The following ASIC2 variants were observed in gnomAD, a reference collection of about 807,000 sequenced individuals.
ASIC2 encodes acid-sensing ion channel 2.
Under a neutral mutation model 57.3 loss-of-function variants are expected in ASIC2, and 25 were observed. The ratio of observed to expected loss-of-function variants is 0.44; its 90% CI spans 0.32 to 0.61. The LOEUF (loss-of-function observed/expected upper bound fraction) is 0.61. Ranked by LOEUF, ASIC2 falls within the 20% of genes least tolerant of loss-of-function variation. The pLI is 0.06. For synonymous variants in ASIC2, 319 were observed against 307.5 expected, an observed-to-expected ratio of 1.04 and a Z score of -0.39; for missense variants, 641 against 738.1, an observed-to-expected ratio of 0.87 and a Z score of 1.52.
chr17:33,264,215 C>T (rs762651412), intron 1 of ASIC2, among the ~76,000 whole-genome samples: 7 of 152,236 alleles, frequency 4.6e-5, no homozygotes, highest in Admixed American at 2.0e-4. Context: ...TGTAGAGAAG[C>T]GCCCAGGATG....
At chr17:33,491,429 C>T (rs942409559) in intron 1 of ASIC2, among the ~76,000 whole-genome samples, 2 of 152,142 alleles carry the variant, frequency 1.3e-5, no homozygotes, top group Admixed American at 6.5e-5. Context: ...TCTGGCTCCT[C>T]GAAAACTTTC....
chr17:33,599,757 G>C (rs1404440307), intron 1 of ASIC2, among the ~76,000 whole-genome samples: 1 of 152,142 alleles, frequency 6.6e-6, no homozygotes, highest in Non-Finnish European at 1.5e-5. Flanking sequence ...CAAGGAACAG[G>C]CCTTCCCTGT....
chr17:34,098,715 G>C (rs1910633953), intron 1 of ASIC2, among the ~76,000 whole-genome samples: 1 of 151,802 alleles, frequency 6.6e-6, no homozygotes, highest in South Asian at 2.1e-4. Context: ...CATCATTAGG[G>C]TGAGACTGTA....
At chr17:33,035,762 C>T (rs190837238) in intron 3 of ASIC2, among the ~76,000 whole-genome samples, 25 of 152,290 alleles carry the variant, frequency 1.6e-4, no homozygotes, top group African/African-American at 5.8e-4. Context: ...TTGTCATCCC[C>T]CTGGGCTTTT....
At chr17:33,701,040 G>T (rs1366417235) in intron 1 of ASIC2, among the ~76,000 whole-genome samples, 4 of 152,188 alleles carry the variant, frequency 2.6e-5, no homozygotes, top group Non-Finnish European at 5.9e-5. Flanking sequence ...AAGGCATAAA[G>T]TCACTGAGGT....
At chr17:34,155,766 T>G in intron 1 of ASIC2, 35 of 549,370 alleles carry the variant, frequency 6.4e-5, no homozygotes, top group East Asian at 1.9e-4. Flanking sequence ...TCACCCTCCA[T>G]ATTTGATCTG....
chr17:33,447,181 G>T (rs1223045966), intron 1 of ASIC2, among the ~76,000 whole-genome samples: 2 of 152,200 alleles, frequency 1.3e-5, no homozygotes, highest in East Asian at 3.9e-4. Context: ...GGGAAATGTT[G>T]ATTACATGTA....
intron 3 of ASIC2, among the ~76,000 whole-genome samples, chr17:33,039,765 C>G (rs1204913013): frequency 6.6e-6 from 1 of 152,146 alleles, no homozygotes; most frequent in Non-Finnish European, 1.5e-5. Context: ...CAGAGCAAAG[C>G]AAAACCTTCC....
Position 33,164,574 on chromosome 17 carries a change from A to ACG in ASIC2, c.709-52509_709-52508dup, listed in dbSNP as rs199521350. Among the ~76,000 whole-genome samples, 215 of 79,070 alleles carry ACG rather than the reference A, an allele frequency of 2.7e-3. No individual in the cohort carries two copies. In the Middle Eastern group the frequency reaches 0.033, roughly 12 times the overall value. 51.9% of individuals were successfully genotyped at this position (79,070 alleles called of 152,430 possible). A position where few individuals can be genotyped will look rare whatever the true frequency, so the allele number is the denominator to read the frequency against. ...AAACAGCTGTCCCAAAAGCACATGC[A>ACG]CGCACACACACACACACACACACAC... On this transcript the variant is annotated intron_variant, in intron 1 of 9. Transcript: ENST00000225823.
chr17:33,856,923 G>A (rs1303542841), intron 1 of ASIC2, among the ~76,000 whole-genome samples: 1 of 152,108 alleles, frequency 6.6e-6, no homozygotes, highest in Non-Finnish European at 1.5e-5. Context: ...CTACTGAGGA[G>A]TGTGGGCTTG....
intron 1 of ASIC2, among the ~76,000 whole-genome samples, chr17:33,886,090 C>T (rs1417509370): frequency 1.3e-5 from 2 of 152,130 alleles, no homozygotes; most frequent in African/African-American, 2.4e-5. Flanking sequence ...CAAACAATCC[C>T]AAAATTTTAG....
chr17:33,072,620 A>G (rs989201669), intron 3 of ASIC2, among the ~76,000 whole-genome samples: 3 of 152,216 alleles, frequency 2.0e-5, no homozygotes, highest in Non-Finnish European at 4.4e-5. Flanking sequence ...CTCAACAGCC[A>G]GGTGACGTAC....
chr17:33,979,581 AAG>A lies in ASIC2; in HGVS notation c.555+176395_555+176396del, dbSNP rs142671569. ...TACCAAGATGGGTTATATTTGGGGT[AAG>A]AGGGGACAGAAAGGCCTCATGTGTC... On this transcript the variant is annotated intron_variant, in intron 1 of 9. Coordinates refer to the ASIC2 transcript ENST00000359872. Among the ~76,000 whole-genome samples the A allele has an allele frequency of 4.9e-3, 744 of 152,318 alleles. 6 individuals carry two copies. Among genetic ancestry groups the A allele is most frequent in the African/African-American group, 0.016 (675 of 41,562 alleles).
At chr17:33,610,812 T>C (rs1567668694) in intron 1 of ASIC2, among the ~76,000 whole-genome samples, 1 of 152,190 alleles carries the variant, frequency 6.6e-6, no homozygotes, top group Non-Finnish European at 1.5e-5. Flanking sequence ...AGAGAATTGC[T>C]TAAGCCCAGG....
intron 1 of ASIC2, chr17:34,038,945 T>C (rs1907993886): frequency 6.2e-7 from 1 of 1,613,012 alleles, no homozygotes. Context: ...TGTCCACTGC[T>C]CAGTAAATTT....
chr17:34,009,582 T>A (rs1906645170), intron 1 of ASIC2, among the ~76,000 whole-genome samples: 1 of 152,254 alleles, frequency 6.6e-6, no homozygotes, highest in Non-Finnish European at 1.5e-5. Context: ...AAAATGTGAC[T>A]ATTAGAAAAA....
At chr17:33,360,393 C>T (rs1460032247) in intron 1 of ASIC2, among the ~76,000 whole-genome samples, 5 of 152,138 alleles carry the variant, frequency 3.3e-5, no homozygotes, top group Middle Eastern at 3.2e-3. Context: ...CAGTGCTTAC[C>T]TTGCCTACAG....
At chr17:33,920,881 G>A (rs1462047898) in intron 1 of ASIC2, among the ~76,000 whole-genome samples, 2 of 152,098 alleles carry the variant, frequency 1.3e-5, no homozygotes, top group Non-Finnish European at 2.9e-5. Context: ...CACCTTGCAT[G>A]TTTCCAGGGA....
intron 1 of ASIC2, among the ~76,000 whole-genome samples, chr17:33,444,710 G>A (rs1429863189): frequency 6.6e-6 from 1 of 152,134 alleles, no homozygotes; most frequent in Non-Finnish European, 1.5e-5. Flanking sequence ...CACGTGCACT[G>A]GGAACTGGAT....
Sources: gnomAD v4.1 joint callset for allele counts (sites outside exome capture counted in the v4.1 genomes callset) on GRCh38, gnomAD v4.1.1 for gene constraint, MANE v1.5 for transcripts, NCBI Gene and HGNC (gene_info 2026-07-23, HGNC 2026-07-21) for gene names.